ATP9A: variants seen among roughly 807,000 people sequenced by gnomAD.
The protein encoded by ATP9A is probable phospholipid-transporting ATPase IIA.
A neutral mutation model predicts 144.1 loss-of-function variants in ATP9A; 52 were observed. The ratio of observed to expected loss-of-function variants is 0.36; its 90% CI spans 0.29 to 0.45. The LOEUF (loss-of-function observed/expected upper bound fraction) is 0.45, where lower values mean the gene tolerates loss of function less well. ATP9A is among the 20% of genes least tolerant of loss of function. ATP9A has a pLI of 1.00. For synonymous variants in ATP9A, 582 were observed against 557.4 expected (o/e 1.04, Z -0.62); for missense variants, 947 against 1,392.7 (o/e 0.68, Z 5.09).
At chr20:51,751,727 G>A (rs997507110) in intron 1 of ATP9A, among the ~76,000 whole-genome samples, 3 of 152,052 alleles carry the variant, frequency 2.0e-5, no homozygotes, top group Non-Finnish European at 2.9e-5. Context: ...AGCTGGGACT[G>A]CAGGCGCCCA....
intron 2 of ATP9A, among the ~76,000 whole-genome samples, chr20:51,728,399 G>A (rs1239722031): frequency 6.6e-6 from 1 of 151,992 alleles, no homozygotes; most frequent in African/African-American, 2.4e-5. Flanking sequence ...GGCCAAGGTG[G>A]GTGGATCACC....
intron 14 of ATP9A, among the ~76,000 whole-genome samples, chr20:51,653,052 G>A (rs2077373487): frequency 1.3e-5 from 2 of 150,598 alleles, no homozygotes; most frequent in Admixed American, 1.3e-4. Flanking sequence ...AGAGCTTGCA[G>A]TGAGCCGAGA....
chr20:51,671,132 A>T lies in ATP9A; in HGVS notation c.1163T>A (p.Leu388Ter). The T allele has an allele frequency of 6.2e-7, 1 of 1,613,880 alleles. No homozygotes were observed. Residue 388 changes from leucine (L) to a stop codon, truncating the protein, a stop_gained, in exon 12 of 28, where the codon TTA (leucine) becomes TAA (stop). Coordinates refer to ENST00000338821, the MANE Select transcript of ATP9A (RefSeq NM_006045.3). LOFTEE classifies it high-confidence loss of function. The part of the protein sequence containing the change: ...IPEQLGRISY[L>*]LTDKTGTLTQ... ...CAGCTCACCTGTCTTGTCTGTGAGT[A>T]AGTACGAAATCCTGCCCAGCTGCTC...
chr20:51,607,435 C>A, intron 26 of ATP9A, 92 bp downstream of exon 26: 1 of 1,190,244 alleles, frequency 8.4e-7, no homozygotes. Flanking sequence ...ATTTCAGATT[C>A]GTTTCTTCTC....
At chr20:51,667,589 A>T (rs752916773) in intron 13 of ATP9A, among the ~76,000 whole-genome samples, 2 of 152,192 alleles carry the variant, frequency 1.3e-5, no homozygotes, top group Non-Finnish European at 2.9e-5. Flanking sequence ...ATGAAGACCA[A>T]GGCTAGATCC....
intron 15 of ATP9A, among the ~76,000 whole-genome samples, chr20:51,634,578 C>T (rs547394288): frequency 3.3e-5 from 5 of 152,142 alleles, no homozygotes; most frequent in African/African-American, 9.6e-5. Flanking sequence ...AACATAGGGC[C>T]GAGCGTGGCG....
chr20:51,631,286 G>A (rs1340812294), intron 15 of ATP9A, among the ~76,000 whole-genome samples: 2 of 152,198 alleles, frequency 1.3e-5, no homozygotes, highest in Non-Finnish European at 2.9e-5. Context: ...AGGCACCCAC[G>A]TTTAAAAGCG....
At chr20:51,760,645 T>A (rs1042089035) in intron 1 of ATP9A, among the ~76,000 whole-genome samples, 3 of 147,786 alleles carry the variant, frequency 2.0e-5, no homozygotes, top group Non-Finnish European at 1.5e-5. Context: ...GAGAATCACT[T>A]GAACTGGGAG....
At chr20:51,757,419 T>G (rs997202762) in intron 1 of ATP9A, among the ~76,000 whole-genome samples, 6 of 152,144 alleles carry the variant, frequency 3.9e-5, no homozygotes, top group African/African-American at 1.4e-4. Flanking sequence ...TACAAACTGA[T>G]TCTTCCTTGG....
intron 12 of ATP9A, among the ~76,000 whole-genome samples, chr20:51,670,794 A>T (rs1054088813): frequency 6.6e-6 from 1 of 152,112 alleles, no homozygotes; most frequent in Admixed American, 6.5e-5. Flanking sequence ...TTCGGCTACT[A>T]TGCGCCCGTG....
chr20:51,745,739 G>C (rs1568845454), intron 1 of ATP9A, among the ~76,000 whole-genome samples: 2 of 152,140 alleles, frequency 1.3e-5, no homozygotes, highest in Admixed American at 6.5e-5. Flanking sequence ...TGTGATGATG[G>C]AATCATTCTA....
chr20:51,666,198 G>A (rs1014257745), intron 13 of ATP9A, among the ~76,000 whole-genome samples: 34 of 152,098 alleles, frequency 2.2e-4, no homozygotes, highest in African/African-American at 8.2e-4. Flanking sequence ...CTCTTCCTTG[G>A]AGTCCACAGG....
rs554044028 is a variant in ATP9A, at chr20:51,746,431, G to C, written c.69-16453C>G. Among the ~76,000 whole-genome samples the C allele has an allele frequency of 3.3e-5, 5 of 152,340 alleles. No homozygotes were observed. The South Asian group carries it at 1.0e-3, about 32-fold the overall frequency. On this transcript the variant is annotated intron_variant, in intron 1 of 27. Coordinates refer to ENST00000338821, the MANE Select transcript of ATP9A (RefSeq NM_006045.3). ...GAGTGGAAGGAGGCTGGGCACGGTG[G>C]CTCACGCCTGTAATCCCAGAACTTT...
At position 51,689,098 on chromosome 20, in the gene ATP9A, C is replaced by T; in HGVS notation, c.765G>A (p.Glu255=). 3.7e-6 allele frequency: 6 copies of T among 1,614,170 alleles called. No homozygotes were observed. The highest frequency in any genetic ancestry group is 5.1e-6 in the Non-Finnish European group (6 of 1,180,028). Residue 255 remains glutamate (E), a synonymous_variant, in exon 9 of 28, where the codon GAG becomes GAA. Coordinates refer to ENST00000338821, the MANE Select transcript of ATP9A (RefSeq NM_006045.3). ...DPPISESLSI[E]NTLWAGTVVA... is the part of the protein sequence containing the mutation. The stretch of plus-strand genomic sequence containing the variant: ...CCACAGTGCCAGCCCACAGCGTGTT[C>T]TCTATGCTCAGGCTCTCGCTGATCG...
intron 1 of ATP9A, among the ~76,000 whole-genome samples, chr20:51,745,172 C>T (rs1009746629): frequency 2.6e-5 from 4 of 151,398 alleles, no homozygotes; most frequent in African/African-American, 9.7e-5. Flanking sequence ...GAGGCTGAGG[C>T]AGGAGAATTG....
intron 15 of ATP9A, among the ~76,000 whole-genome samples, chr20:51,632,030 C>CA (rs2122736348): frequency 6.6e-6 from 1 of 152,328 alleles, no homozygotes; most frequent in African/African-American, 2.4e-5. Flanking sequence ...GTCACTAAAC[C>CA]AAGTCAAGAG....
chr20:51,604,369 CTCAGGAGCTCTA>C (rs2077154926), intron 27 of ATP9A, among the ~76,000 whole-genome samples: 1 of 152,116 alleles, frequency 6.6e-6, no homozygotes, highest in African/African-American at 2.4e-5. Flanking sequence ...CCTGGAGTCC[CTCAGGAGCTCTA>C]TCAGGACACA....
chr20:51,618,894 C>G, intron 20 of ATP9A, 60 bp downstream of exon 20: 1 of 1,598,962 alleles, frequency 6.3e-7, no homozygotes, highest in South Asian at 1.1e-5. Context: ...GTGCCCCTGC[C>G]GAAGCCGGGT....
chr20:51,729,042 T>C (rs565905738), intron 2 of ATP9A, among the ~76,000 whole-genome samples: 5 of 152,342 alleles, frequency 3.3e-5, no homozygotes, highest in Admixed American at 1.3e-4. Flanking sequence ...GAAACATTTA[T>C]TATTAGCAAA....
Sources: allele counts gnomAD v4.1 joint callset (sites outside exome capture counted in the v4.1 genomes callset), GRCh38; gene constraint gnomAD v4.1.1; transcripts MANE v1.5; gene names NCBI Gene and HGNC (gene_info 2026-07-23, HGNC 2026-07-21).